Variants in EIF2B3 observed in about 807,000 individuals in gnomAD.
EIF2B3 encodes eukaryotic translation initiation factor 2B subunit gamma, also known as translation initiation factor eIF2B subunit gamma.
In EIF2B3, 20 loss-of-function variants were observed where a neutral mutation model predicts 54.1. That is an observed-to-expected ratio of 0.37 (90% confidence interval 0.26 to 0.54). EIF2B3 has a LOEUF of 0.54. EIF2B3 is among the 20% of genes least tolerant of loss of function. EIF2B3 has a pLI of 0.86. For missense variants in EIF2B3, 448 were observed against 547.8 expected, an observed-to-expected ratio of 0.82 and a Z score of 1.82; for synonymous variants, 153 against 188.1, an observed-to-expected ratio of 0.81 and a Z score of 1.52.
intron 9 of EIF2B3, 80 bp from the exon 10 acceptor site, chr1:44,874,906 T>C: frequency 6.5e-7 from 1 of 1,542,934 alleles, no homozygotes; most frequent in Non-Finnish European, 8.9e-7. Flanking sequence ...CAAGCTGGGA[T>C]CTAATGGGAT....
chr1:44,916,869 T>C (rs535519109), intron 5 of EIF2B3, among the ~76,000 whole-genome samples: 1 of 152,128 alleles, frequency 6.6e-6, no homozygotes, highest in South Asian at 2.1e-4. Flanking sequence ...CATAAGTCTT[T>C]TCATGCCTGA....
intron 5 of EIF2B3, among the ~76,000 whole-genome samples, chr1:44,903,667 T>C (rs755797031): frequency 6.6e-6 from 1 of 152,252 alleles, no homozygotes; most frequent in Non-Finnish European, 1.5e-5. Context: ...ATTTAGATTT[T>C]CAGCATTGCT....
At chr1:44,962,187 C>T (rs886156016) in intron 3 of EIF2B3, among the ~76,000 whole-genome samples, 1 of 142,360 alleles carries the variant, frequency 7.0e-6, no homozygotes, top group African/African-American at 2.6e-5. Flanking sequence ...AGCGAAACTC[C>T]GTCTCAATCA....
intron 8 of EIF2B3, among the ~76,000 whole-genome samples, chr1:44,876,822 TG>T (rs1196480677): frequency 6.9e-6 from 1 of 144,592 alleles, no homozygotes; most frequent in East Asian, 2.1e-4. Context: ...GAAGTAGACA[TG>T]GGAGACTTTT....
intron 3 of EIF2B3, among the ~76,000 whole-genome samples, chr1:44,957,831 G>GT (rs1324825117): frequency 1.3e-5 from 2 of 152,166 alleles, no homozygotes; most frequent in Non-Finnish European, 2.9e-5. Flanking sequence ...AATTAGACTG[G>GT]TGAGTCCATG....
intron 3 of EIF2B3, among the ~76,000 whole-genome samples, chr1:44,948,803 T>C (rs2148947051): frequency 6.6e-6 from 1 of 152,174 alleles, no homozygotes; most frequent in Admixed American, 6.6e-5. Flanking sequence ...CCTAATTCAG[T>C]CTTCTCTCCC....
At chr1:44,908,108 C>A (rs1643449501) in intron 5 of EIF2B3, among the ~76,000 whole-genome samples, 1 of 152,146 alleles carries the variant, frequency 6.6e-6, no homozygotes. Context: ...ATTAAGAAGT[C>A]TCAGCTCTGC....
intron 7 of EIF2B3, 139 bp from the exon 8 acceptor site, chr1:44,880,147 C>A: frequency 1.1e-6 from 1 of 876,038 alleles, no homozygotes; most frequent in Non-Finnish European, 1.8e-6. Flanking sequence ...AACTCCCAGA[C>A]TCAAGGGATC....
chr1:44,978,438 C>G lies in EIF2B3; in HGVS notation c.171G>C (p.Arg57Ser). 2 of 1,613,284 alleles carry G rather than the reference C, an allele frequency of 1.2e-6. No individual in the cohort carries two copies. Among genetic ancestry groups the G allele is most frequent in the South Asian group, 1.1e-5 (1 of 91,052 alleles). ...GFEEVIVVTT[R>S]DVQKALCAEF... Reference sequence around the variant, plus strand: ...CTGCACATAGAGCCTTTTGAACATCCCTGGTTGTAACCACAATGACTTCTA... The same window carrying G: ...CTGCACATAGAGCCTTTTGAACATCGCTGGTTGTAACCACAATGACTTCTA... Residue 57 changes from arginine to serine, a missense_variant, in exon 3 of 12, where the codon AGG (arginine) becomes AGC (serine). This residue lies in a region of EIF2B3 where 95 missense variants were observed against 115.7 expected (regional missense o/e 0.82). Coordinates refer to ENST00000360403, the MANE Select transcript of EIF2B3 (RefSeq NM_020365.5).
chr1:44,928,291 A>C (rs919960630), intron 4 of EIF2B3, among the ~76,000 whole-genome samples: 3 of 152,020 alleles, frequency 2.0e-5, no homozygotes, highest in African/African-American at 7.2e-5. Flanking sequence ...TAAAAATAAA[A>C]AAATCAGCTG....
intron 10 of EIF2B3, chr1:44,863,120 C>T (rs1247075998): frequency 6.6e-6 from 1 of 152,148 alleles, no homozygotes; most frequent in African/African-American, 2.4e-5. Context: ...AGGTTCTTTT[C>T]TTTTTTGATG....
chr1:44,951,796 T>TG (rs906589566), intron 3 of EIF2B3, among the ~76,000 whole-genome samples: 23 of 151,116 alleles, frequency 1.5e-4, no homozygotes, highest in African/African-American at 5.3e-4. Flanking sequence ...TTCCTCTTTT[T>TG]TTTTTTTTTG....
intron 3 of EIF2B3, among the ~76,000 whole-genome samples, chr1:44,977,843 G>A (rs1205920878): frequency 6.6e-6 from 1 of 152,162 alleles, no homozygotes; most frequent in African/African-American, 2.4e-5. Flanking sequence ...ACAAATTAAT[G>A]TCTAAATCTT....
rs560068634 is a variant in EIF2B3 at position 44,962,970 on chromosome 1, A to C, written c.294+15345T>G. ...ACCAGACAGCTGGGTGCAGTGGCTCATGCCTGTAATCCCAACATTTTGGGA... is the reference window on the plus strand; with the variant it reads ...ACCAGACAGCTGGGTGCAGTGGCTCCTGCCTGTAATCCCAACATTTTGGGA... On this transcript the variant is annotated intron_variant, in intron 3 of 11. Transcript: ENST00000360403. Among the ~76,000 whole-genome samples, 6 of 152,218 alleles carry C rather than the reference A, an allele frequency of 3.9e-5. No homozygotes were observed. The East Asian group carries it at 9.8e-4, about 25-fold the overall frequency.
At chr1:44,979,901 G>A (rs972403779) in intron 2 of EIF2B3, among the ~76,000 whole-genome samples, 7 of 152,116 alleles carry the variant, frequency 4.6e-5, no homozygotes, top group Non-Finnish European at 8.8e-5. Flanking sequence ...GGGAGGTGGA[G>A]GTTGCAGTGA....
intron 3 of EIF2B3, among the ~76,000 whole-genome samples, chr1:44,963,123 G>A (rs531508659): frequency 6.6e-6 from 1 of 152,030 alleles, no homozygotes; most frequent in East Asian, 2.0e-4. Context: ...GCTGAGGTGA[G>A]AGGATCACCT....
Position 44,978,359 on chromosome 1 carries a change from T to C in EIF2B3, c.250A>G (p.Met84Val), listed in dbSNP as rs768670174. ...DIVCIPDDAD[M>V]GTADSLRYIY... ...TAGCGCAAAGAATCTGCAGTTCCCA[T>C]GTCAGCGTCATCAGGAATACACACA... Residue 84 changes from methionine (M) to valine (V), a missense_variant, in exon 3 of 12, where the codon ATG becomes GTG. Physicochemically the swap from Met to Val is conservative, Grantham distance 21 (BLOSUM62 1). Transcript: ENST00000360403. 3 of 1,614,128 alleles carry C rather than the reference T, an allele frequency of 1.9e-6. No individual in the cohort carries two copies. The highest frequency in any genetic ancestry group is 4.5e-5 in the East Asian group (2 of 44,874).
At chr1:44,919,836 C>T (rs1172588324) in intron 5 of EIF2B3, among the ~76,000 whole-genome samples, 1 of 148,958 alleles carries the variant, frequency 6.7e-6, no homozygotes, top group Non-Finnish European at 1.5e-5. Flanking sequence ...CCTGCCTCAG[C>T]CTCCCAAGTA....
chr1:44,896,799 A>G (rs1655987352), intron 6 of EIF2B3, among the ~76,000 whole-genome samples: 2 of 152,220 alleles, frequency 1.3e-5, no homozygotes, highest in Non-Finnish European at 2.9e-5. Flanking sequence ...TCTGGAAACT[A>G]TTTAAGTCCT....
Sources: allele counts gnomAD v4.1 joint callset (sites outside exome capture counted in the v4.1 genomes callset), GRCh38; gene constraint gnomAD v4.1.1; regional missense constraint gnomAD v4.1.1; transcripts MANE v1.5; gene names NCBI Gene and HGNC (gene_info 2026-07-23, HGNC 2026-07-21).